The following DCAF6 variants were observed in gnomAD, a reference collection of about 807,000 sequenced individuals.
DCAF6 encodes DDB1 and CUL4 associated factor 6, also known as DDB1- and CUL4-associated factor 6.
In DCAF6, 54 loss-of-function variants were observed where a neutral mutation model predicts 125.1. The observed-to-expected ratio is 0.43, with a 90% CI of 0.35 to 0.54. The LOEUF is 0.54. Ranked by LOEUF, DCAF6 falls within the 20% of genes least tolerant of loss-of-function variation. The probability of loss-of-function intolerance (pLI) is 0.01; values close to 1 mark genes in which losing one functional copy is unlikely to be tolerated. For missense variants in DCAF6, 934 were observed against 1,161.7 expected, an observed-to-expected ratio of 0.80 and a Z score of 2.85; for synonymous variants, 371 against 390.4, an observed-to-expected ratio of 0.95 and a Z score of 0.58.
At chr1:168,047,137 T>C (rs1689234713) in intron 16 of DCAF6, among the ~76,000 whole-genome samples, 1 of 152,010 alleles carries the variant, frequency 6.6e-6, no homozygotes, top group South Asian at 2.1e-4. Flanking sequence ...GAAAGGAGGA[T>C]TTGAGGGAGG....
At chr1:168,041,373 G>A (rs1194560220) in intron 13 of DCAF6, among the ~76,000 whole-genome samples, 1 of 151,798 alleles carries the variant, frequency 6.6e-6, no homozygotes, top group Admixed American at 6.6e-5. Context: ...TCCCAATTTG[G>A]TGTTTGTTTT....
At chr1:167,936,550 G>C (rs183646367), upstream of DCAF6, 2 of 280,556 alleles carry the variant, frequency 7.1e-6, no homozygotes, top group Non-Finnish European at 1.4e-5. Context: ...AGTCCCCAGG[G>C]TGGTCGTCAT....
At chr1:168,067,636 G>T (rs992214730) in intron 20 of DCAF6, among the ~76,000 whole-genome samples, 6 of 152,206 alleles carry the variant, frequency 3.9e-5, no homozygotes, top group African/African-American at 1.4e-4. Context: ...AAACGGTTAG[G>T]TGAGGGTAAG....
At chr1:167,902,344 C>T in the DCAF6 span, among the ~76,000 whole-genome samples, 1 of 152,164 alleles carries the variant, frequency 6.6e-6, no homozygotes, top group Non-Finnish European at 1.5e-5. Flanking sequence ...CAGCTGCCCT[C>T]CTCCCACGAT....
chr1:167,914,805 T>C, the DCAF6 span, among the ~76,000 whole-genome samples: 1 of 152,202 alleles, frequency 6.6e-6, no homozygotes, highest in South Asian at 2.1e-4. Context: ...ATTTAAAAAG[T>C]CTTATTTAAA....
At chr1:168,055,780 GTTT>G in intron 17 of DCAF6, 1 of 695,734 alleles carries the variant, frequency 1.4e-6, no homozygotes, top group Admixed American at 2.6e-5. Flanking sequence ...GTTAACAGTA[GTTT>G]TTTTTTCCCC....
intron 17 of DCAF6, among the ~76,000 whole-genome samples, chr1:168,061,916 C>G (rs1023871951): frequency 2.6e-5 from 4 of 151,956 alleles, no homozygotes; most frequent in Admixed American, 6.6e-5. Flanking sequence ...AGGTATATAT[C>G]CAACATAAAT....
In DCAF6 at chr1:168,015,851, G is replaced by T. The variant is rs1354800428; in HGVS notation, c.1449G>T (p.Glu483Asp). 1.9e-6 allele frequency: 3 copies of T among 1,540,492 alleles called. No homozygotes were observed. Among genetic ancestry groups the T allele is most frequent in the Non-Finnish European group, 2.6e-6 (3 of 1,141,954 alleles). Residue 483 changes from glutamate to aspartate, a missense_variant, in exon 11 of 22, where the codon GAG becomes GAT. By Grantham distance (45) the Glu-to-Asp change is conservative. Coordinates refer to ENST00000367840, the MANE Select transcript of DCAF6 (RefSeq NM_001198956.2). ...AACAACTGAGGCTTAAGAAGGCTGA[G>T]CAGCAGAGGCAGCAAGAGCTAGCTG... ...RLQQLRLKKA[E>D]QQRQQELAAH...
the DCAF6 span, among the ~76,000 whole-genome samples, chr1:167,864,826 T>C: frequency 6.7e-6 from 1 of 149,050 alleles, no homozygotes; most frequent in East Asian, 2.0e-4. Context: ...CTATCAAAAA[T>C]CCTTAACCCA....
the DCAF6 span, among the ~76,000 whole-genome samples, chr1:167,925,943 A>C: frequency 2.0e-5 from 3 of 152,220 alleles, no homozygotes; most frequent in Non-Finnish European, 4.4e-5. Context: ...AATAGTTTTA[A>C]AATATGTTTG....
Position 167,993,276 on chromosome 1 carries a change from T to C in DCAF6, c.739T>C (p.Ser247Pro). ...TTGMVARFIPSHLNNKSCRVT... is the reference protein window; with the variant it reads ...TTGMVARFIPPHLNNKSCRVT... ...TGGAATGGTTGCCCGTTTTATTCCT[T>C]CCCATCTTAATAATAAGTCCTGCAG... The change falls in exon 7 of 22, where the codon TCC (serine) becomes CCC (proline). Residue 247 changes from serine (S) to proline (P), a missense_variant. Physicochemically the swap from Ser to Pro is moderately conservative, Grantham distance 74. Around this residue, in one of 5 missense-constraint regions of DCAF6, gnomAD observed 309 missense variants for 381.2 expected, o/e 0.81. Transcript: ENST00000367840. 1 of 1,614,126 alleles carries C rather than the reference T, an allele frequency of 6.2e-7. No homozygotes were observed. The highest frequency in any genetic ancestry group is 8.5e-7 in the Non-Finnish European group (1 of 1,179,968).
intron 17 of DCAF6, chr1:168,055,969 G>C: frequency 1.2e-6 from 2 of 1,601,636 alleles, no homozygotes; most frequent in Non-Finnish European, 1.7e-6. Context: ...AGTTCTGAAG[G>C]GTTACTCAGT....
the DCAF6 span, among the ~76,000 whole-genome samples, chr1:167,928,404 T>G: frequency 0.01 from 1,587 of 152,152 alleles, 34 homozygotes; most frequent in African/African-American, 0.035. Context: ...TAACATTCAA[T>G]TAACATTTCT....
upstream of DCAF6, chr1:167,935,996 G>C (rs1671157448): frequency 1.6e-6 from 1 of 642,762 alleles, no homozygotes; most frequent in African/African-American, 1.8e-5. Flanking sequence ...TGCCCGCTGT[G>C]AACCGAAAAG....
the DCAF6 span, chr1:167,896,610 A>C: frequency 6.2e-7 from 1 of 1,612,812 alleles, no homozygotes; most frequent in Non-Finnish European, 8.5e-7. Context: ...TGCTCACCAG[A>C]AGGATAATAA....
chr1:167,994,303 G>T (rs1681313781), intron 7 of DCAF6, among the ~76,000 whole-genome samples: 1 of 152,074 alleles, frequency 6.6e-6, no homozygotes, highest in Non-Finnish European at 1.5e-5. Context: ...CAGCAAGAAA[G>T]ATCAACAGTG....
chr1:168,002,431 GAGT>G, intron 7 of DCAF6, 48 bp from the exon 8 acceptor site: 1 of 1,465,410 alleles, frequency 6.8e-7, no homozygotes, highest in Non-Finnish European at 9.6e-7. Flanking sequence ...TAAGAGTTGA[GAGT>G]AGATGAGTTT....
At chr1:167,904,087 T>A in the DCAF6 span, 1 of 598,770 alleles carries the variant, frequency 1.7e-6, no homozygotes, top group Non-Finnish European at 2.8e-6. Context: ...CTCAGCTTTT[T>A]TTTTTTTTTT....
At chr1:167,987,403 C>T in intron 4 of DCAF6, 92 bp from the exon 5 acceptor site, 1 of 671,802 alleles carries the variant, frequency 1.5e-6, no homozygotes, top group Non-Finnish European at 2.6e-6. Context: ...GTAACCTTTA[C>T]CTTAATCATT....
Sources: gnomAD v4.1 joint callset for allele counts (sites outside exome capture counted in the v4.1 genomes callset) on GRCh38, gnomAD v4.1.1 for gene constraint, gnomAD v4.1.1 regional missense constraint, MANE v1.5 for transcripts, NCBI Gene and HGNC (gene_info 2026-07-23, HGNC 2026-07-21) for gene names.